Variants in CD82 observed in about 807,000 individuals in gnomAD.
CD82 encodes CD82 molecule.
Under a neutral mutation model 37.4 loss-of-function variants are expected in CD82, and 36 were observed. That is an observed-to-expected ratio of 0.96 (90% CI 0.74 to 1.27). The LOEUF is 1.27. Ranked by LOEUF, CD82 falls within the 50% of genes most tolerant of loss-of-function variation. CD82 has a pLI of 0.00. For missense variants in CD82, 340 were observed against 347.0 expected, an observed-to-expected ratio of 0.98 and a Z score of 0.16; for synonymous variants, 158 against 137.4, an observed-to-expected ratio of 1.15 and a Z score of -1.05.
intron 6 of CD82, among the ~76,000 whole-genome samples, chr11:44,613,001 T>G (rs1853508144): frequency 6.6e-6 from 1 of 152,074 alleles, no homozygotes; most frequent in Non-Finnish European, 1.5e-5. Flanking sequence ...CTGCAGGATA[T>G]GGGTTCTCTG....
chr11:44,598,668 T>A (rs944862889), intron 3 of CD82, among the ~76,000 whole-genome samples: 1 of 152,096 alleles, frequency 6.6e-6, no homozygotes, highest in Non-Finnish European at 1.5e-5. Context: ...CCTGAGTTTT[T>A]GGTGCCTCCT....
chr11:44,595,091 C>A lies in CD82; in HGVS notation c.63+366C>A, dbSNP rs146265687. On this transcript the variant is annotated intron_variant, in intron 3 of 9. Coordinates refer to ENST00000227155, the MANE Select transcript of CD82 (RefSeq NM_002231.4). ...ATCTCTCTAGTCCTGTCCTGGCCCC[C>A]ACCCTGCCCATGTGAAGAATTGACC... is the stretch of plus-strand genomic sequence containing the variant. The A allele has an allele frequency of 2.1e-4, 53 of 251,364 alleles. 2 individuals carry two copies. In the East Asian group the frequency reaches 5.2e-3, roughly 25 times the overall value. 15.6% of individuals were successfully genotyped at this position (251,364 alleles called of 1,614,324 possible). A position where few individuals can be genotyped will look rare whatever the true frequency, so the allele number is the denominator to read the frequency against.
chr11:44,591,872 T>A (rs536455566), intron 2 of CD82, among the ~76,000 whole-genome samples: 2 of 152,212 alleles, frequency 1.3e-5, no homozygotes, highest in East Asian at 3.9e-4. Context: ...CAGGCTGGAG[T>A]GCAGTGGCGC....
At chr11:44,588,535 T>G (rs980801105) in intron 2 of CD82, among the ~76,000 whole-genome samples, 2 of 152,178 alleles carry the variant, frequency 1.3e-5, no homozygotes, top group Non-Finnish European at 2.9e-5. Flanking sequence ...AAAATAAGTT[T>G]TATCTTTGTC....
chr11:44,575,595 G>T (rs1852879877), intron 1 of CD82, among the ~76,000 whole-genome samples: 1 of 152,204 alleles, frequency 6.6e-6, no homozygotes, highest in Non-Finnish European at 1.5e-5. Context: ...TGCATCTGCT[G>T]GCCCTGGACC....
intron 6 of CD82, among the ~76,000 whole-genome samples, chr11:44,610,537 T>A (rs921726256): frequency 6.6e-6 from 1 of 152,184 alleles, no homozygotes; most frequent in East Asian, 1.9e-4. Context: ...AAGTCAAAGC[T>A]CAGCATTTGG....
intron 1 of CD82, among the ~76,000 whole-genome samples, chr11:44,584,014 T>C (rs1853018314): frequency 6.6e-6 from 1 of 152,200 alleles, no homozygotes; most frequent in Non-Finnish European, 1.5e-5. Flanking sequence ...AATCCTGTGA[T>C]TCCTGGGAAG....
chr11:44,592,976 C>T (rs1425746697), intron 2 of CD82, among the ~76,000 whole-genome samples: 1 of 152,208 alleles, frequency 6.6e-6, no homozygotes, highest in African/African-American at 2.4e-5. Flanking sequence ...CATATTATAC[C>T]TCCCAAATCT....
intron 3 of CD82, among the ~76,000 whole-genome samples, chr11:44,596,261 A>T (rs1030984982): frequency 6.6e-6 from 1 of 152,264 alleles, no homozygotes; most frequent in Non-Finnish European, 1.5e-5. Context: ...GGCAAAGCCA[A>T]GCTTTTCCTG....
intron 1 of CD82, among the ~76,000 whole-genome samples, chr11:44,569,265 A>G (rs946563553): frequency 6.6e-6 from 1 of 151,996 alleles, no homozygotes; most frequent in African/African-American, 2.4e-5. Context: ...AGAGGCAGAC[A>G]ACCACAGACC....
At chr11:44,596,875 A>G in intron 3 of CD82, 1 of 455,998 alleles carries the variant, frequency 2.2e-6, no homozygotes, top group Non-Finnish European at 4.4e-6. Flanking sequence ...CCATCAAATA[A>G]CTACTCAAAT....
At chr11:44,608,071 GGTGCCA>G (rs1853424998) in intron 6 of CD82, 1 of 152,172 alleles carries the variant, frequency 6.6e-6, no homozygotes, top group African/African-American at 2.4e-5. Flanking sequence ...AAGAAGTTCT[GGTGCCA>G]CTGTATCGCC....
intron 7 of CD82, 71 bp from the exon 8 acceptor site, chr11:44,618,091 C>G (rs1455327277): frequency 1.4e-6 from 2 of 1,407,702 alleles, no homozygotes; most frequent in South Asian, 2.4e-5. Context: ...GGGAGGTCCT[C>G]CCTCTGCCAG....
Position 44,618,287 on chromosome 11 carries a change from G to A in CD82, c.564G>A (p.Val188=). 2.4e-5 allele frequency: 38 copies of A among 1,614,036 alleles called. No individual in the cohort carries two copies. The highest frequency in any genetic ancestry group is 3.2e-5 in the Non-Finnish European group (38 of 1,180,034). The change falls in exon 8 of 10, where the codon GTG becomes GTA. Residue 188 remains valine, a synonymous_variant. Transcript: ENST00000227155. Reference sequence around the variant, plus strand: ...GGGAAGAGGACAACAGCCTTTCTGTGAGGAAGGGCTTCTGCGAGGCCCCCG... The same window carrying A: ...GGGAAGAGGACAACAGCCTTTCTGTAAGGAAGGGCTTCTGCGAGGCCCCCG... ...VKGEEDNSLS[V]RKGFCEAPGN...
intron 2 of CD82, among the ~76,000 whole-genome samples, chr11:44,593,041 A>G (rs1401835567): frequency 1.3e-5 from 2 of 152,348 alleles, no homozygotes; most frequent in Admixed American, 1.3e-4. Flanking sequence ...GTTAGAGGAA[A>G]GAAAACTGGA....
chr11:44,593,500 G>T (rs1410956665), intron 2 of CD82, among the ~76,000 whole-genome samples: 1 of 152,216 alleles, frequency 6.6e-6, no homozygotes, highest in Non-Finnish European at 1.5e-5. Flanking sequence ...GTCAGGGTGA[G>T]AACAGTCAGC....
intron 3 of CD82, among the ~76,000 whole-genome samples, chr11:44,596,026 GCA>G (rs1476458402): frequency 2.6e-5 from 4 of 151,998 alleles, no homozygotes; most frequent in Admixed American, 1.3e-4. Context: ...ATACACGCAT[GCA>G]CACACACAGG....
chr11:44,618,407 GT>G lies in CD82; in HGVS notation c.642+44del, dbSNP rs1349577165. 4 of 1,551,530 alleles carry G rather than the reference GT, an allele frequency of 2.6e-6. No individual in the cohort carries two copies. In the African/African-American group the frequency reaches 5.4e-5, roughly 21 times the overall value. On this transcript the variant is annotated intron_variant, in intron 8 of 9. Coordinates refer to ENST00000227155, the MANE Select transcript of CD82 (RefSeq NM_002231.4). ...GGATCGGGGGCGGGGCTCCGAGGGCGTTGGGGGCCATCTGGGCTACTGCTCA... is the reference window on the plus strand; with the variant it reads ...GGATCGGGGGCGGGGCTCCGAGGGCGTGGGGGCCATCTGGGCTACTGCTCA...
chr11:44,576,857 G>A (rs1191466223), intron 1 of CD82, among the ~76,000 whole-genome samples: 1 of 152,170 alleles, frequency 6.6e-6, no homozygotes, highest in African/African-American at 2.4e-5. Context: ...AGGATGACAG[G>A]GCAGGGAGTT....
Sources: allele counts gnomAD v4.1 joint callset (sites outside exome capture counted in the v4.1 genomes callset), GRCh38; gene constraint gnomAD v4.1.1; transcripts MANE v1.5; gene names NCBI Gene and HGNC (gene_info 2026-07-23, HGNC 2026-07-21).